TCL1A: variants seen among roughly 807,000 people sequenced by gnomAD.
The protein encoded by TCL1A is T-cell leukemia/lymphoma protein 1A.
In TCL1A, 9 loss-of-function variants were observed where a neutral mutation model predicts 16.9. The ratio of observed to expected loss-of-function variants is 0.53; its 90% CI spans 0.32 to 0.93. The LOEUF is 0.93. Among genes scored for constraint, TCL1A ranks in the 40% least tolerant of loss-of-function variants. The probability of loss-of-function intolerance (pLI) is 0.04; values close to 1 mark genes in which losing one functional copy is unlikely to be tolerated. For missense variants in TCL1A, 139 were observed against 153.0 expected (o/e 0.91, Z 0.48); for synonymous variants, 69 against 63.2 (o/e 1.09, Z -0.44).
At chr14:95,711,017 G>A (rs1566746164) in intron 3 of TCL1A, 136 bp from the exon 4 acceptor site, 1 of 152,232 alleles carries the variant, frequency 6.6e-6, no homozygotes, top group Non-Finnish European at 1.5e-5. Context: ...TCTGAGCCAA[G>A]GCAAATTCTG....
chr14:95,713,299 G>A (rs1399162241), intron 1 of TCL1A, among the ~76,000 whole-genome samples: 1 of 152,094 alleles, frequency 6.6e-6, no homozygotes, highest in African/African-American at 2.4e-5. Context: ...GAGAGAGTTT[G>A]AACATTTTTT....
At chr14:95,711,661 T>C (rs1886356459) in intron 3 of TCL1A, 88 bp downstream of exon 3, 1 of 1,479,770 alleles carries the variant, frequency 6.8e-7, no homozygotes, top group African/African-American at 1.4e-5. Flanking sequence ...CGGGGAGGGG[T>C]TAGCACTGCC....
At chr14:95,713,872 C>A in intron 1 of TCL1A, 75 bp downstream of exon 1, 1 of 1,586,600 alleles carries the variant, frequency 6.3e-7, no homozygotes, top group Non-Finnish European at 8.5e-7. Context: ...CTTGAGTCCT[C>A]GCCCTTCCTA....
intron 2 of TCL1A, 162 bp downstream of exon 2, chr14:95,712,058 T>G: frequency 1.0e-6 from 1 of 989,196 alleles, no homozygotes; most frequent in East Asian, 2.4e-5. Context: ...AGAGGATCTA[T>G]CTTCTCTCTG....
intron 1 of TCL1A, chr14:95,712,792 A>C: frequency 1.4e-6 from 1 of 740,672 alleles, no homozygotes; most frequent in South Asian, 1.5e-5. Flanking sequence ...AAAAAAAAAA[A>C]ACAACAAAGA....
At chr14:95,713,030 GTATT>G (rs1458013824) in intron 1 of TCL1A, among the ~76,000 whole-genome samples, 2 of 152,106 alleles carry the variant, frequency 1.3e-5, no homozygotes, top group African/African-American at 4.8e-5. Flanking sequence ...AAAAAAGTAA[GTATT>G]TAACTTGATT....
At chr14:95,712,177 A>T in intron 2 of TCL1A, 43 bp downstream of exon 2, 4 of 1,612,792 alleles carry the variant, frequency 2.5e-6, no homozygotes, top group Non-Finnish European at 3.4e-6. Flanking sequence ...GAGGAGGGCA[A>T]ACCCAAGATC....
Position 95,711,930 on chromosome 14 carries a change from T to C in TCL1A, c.298-128A>G, listed in dbSNP as rs1409924693. On this transcript the variant is annotated intron_variant, in intron 2 of 3. Coordinates refer to ENST00000402399, the MANE Select transcript of TCL1A (RefSeq NM_021966.3). ...ACCCAGGTGTGAGGATTTCAGGGGC[T>C]CTTGGAGACTGCCCCTCCTCCCACC... 9.2e-6 allele frequency: 11 copies of C among 1,193,058 alleles called. No individual in the cohort carries two copies. The South Asian group carries it at 1.6e-4, about 17-fold the overall frequency. 73.9% of individuals were successfully genotyped at this position (1,193,058 alleles called of 1,614,324 possible).
intron 3 of TCL1A, chr14:95,711,428 C>T (rs1886350533): frequency 4.6e-6 from 1 of 215,566 alleles, no homozygotes; most frequent in Non-Finnish European, 9.1e-6. Context: ...GAGATTGCAC[C>T]ACTACACTCT....
At position 95,713,954 on chromosome 14, in the gene TCL1A, G is replaced by T. The variant is rs201228671; in HGVS notation, c.113C>A (p.Thr38Asn). 6.2e-7 allele frequency: 1 copy of T among 1,613,756 alleles called. No homozygotes were observed. The highest frequency in any genetic ancestry group is 8.5e-7 in the Non-Finnish European group (1 of 1,180,016). The change falls in exon 1 of 4, where the codon ACC becomes AAC. Residue 38 changes from threonine to asparagine, a missense_variant. Physicochemically the swap from Thr to Asn is moderately conservative, Grantham distance 65 (BLOSUM62 0). Around this residue, in one of 2 missense-constraint regions of TCL1A, gnomAD observed 94 missense variants for 80.2 expected, o/e 1.17. Transcript: ENST00000402399. ...CTCCAAAGCTGGCTGTACCTCGATG[G>T]TTAAGGGCAGCCAGGCGTGCTGCTT... ...DEKQHAWLPL[T>N]IEIKDRLQLR... is the part of the protein sequence containing the mutation.
At chr14:95,711,874 G>A (rs1305703525) in intron 2 of TCL1A, 72 bp from the exon 3 acceptor site, 28 of 1,568,428 alleles carry the variant, frequency 1.8e-5, no homozygotes, top group South Asian at 1.1e-4. Context: ...TCACTCCTGC[G>A]CCTTCCCCTA....
chr14:95,713,863 T>A (rs568560767), intron 1 of TCL1A, 84 bp downstream of exon 1: 2 of 1,577,390 alleles, frequency 1.3e-6, no homozygotes, highest in Admixed American at 3.4e-5. Context: ...TGAGTGCTCC[T>A]TGAGTCCTCG....
chr14:95,712,307 G>C lies in TCL1A; in HGVS notation c.210C>G (p.Ser70Arg). 6.2e-7 allele frequency: 1 copy of C among 1,614,182 alleles called. No homozygotes were observed. The highest frequency in any genetic ancestry group is 8.5e-7 in the Non-Finnish European group (1 of 1,180,028). The change falls in exon 2 of 4, where the codon AGC (serine) becomes AGG (arginine). Residue 70 changes from serine (S) to arginine (R), a missense_variant. Ser to Arg is a moderately radical substitution (Grantham distance 110). Transcript: ENST00000402399. ...AGAGCTGCCACATGATAGGCAGCAG[G>C]CTTGGGCCTATCTGGGTGGGGGTCA... is the stretch of plus-strand genomic sequence containing the variant. ...RPMTPTQIGP[S>R]LLPIMWQLYP... is the part of the protein sequence containing the mutation.
chr14:95,712,362 C>CGCAA lies in TCL1A; in HGVS notation c.151_154dup (p.Arg52LeufsTer31). ...CCTCCCCAGGACGACGTCTTCCCGA[C>CGCAA]GCAAGAGCACCCGTAACTGTAACCT... On this transcript the variant is annotated frameshift_variant, in exon 2 of 4. Coordinates refer to ENST00000402399, the MANE Select transcript of TCL1A (RefSeq NM_021966.3). LOFTEE classifies it high-confidence loss of function. 6.2e-7 allele frequency: 1 copy of CGCAA among 1,613,408 alleles called. No homozygotes were observed. The highest frequency in any genetic ancestry group is 8.5e-7 in the Non-Finnish European group (1 of 1,179,494).
Position 95,714,052 on chromosome 14 carries a change from C to G in TCL1A, c.15G>C (p.Pro5=). The change falls in exon 1 of 4, where the codon CCG becomes CCC. Residue 5 remains proline, a synonymous_variant. Transcript: ENST00000402399. MAEC[P]TLGEAVTDHP... ...GGTCGGTGACTGCCTCCCCGAGTGT[C>G]GGGCACTCGGCCATGGCGTCCTCGG... 6.2e-7 allele frequency: 1 copy of G among 1,613,936 alleles called. No individual in the cohort carries two copies. The highest frequency in any genetic ancestry group is 8.5e-7 in the Non-Finnish European group (1 of 1,180,022).
intron 1 of TCL1A, chr14:95,712,803 A>C: frequency 1.4e-6 from 1 of 694,098 alleles, no homozygotes; most frequent in Non-Finnish European, 2.2e-6. Flanking sequence ...ACAACAAAGA[A>C]AGAAAGAGAG....
At chr14:95,713,504 A>G (rs537234016) in intron 1 of TCL1A, among the ~76,000 whole-genome samples, 1 of 152,300 alleles carries the variant, frequency 6.6e-6, no homozygotes, top group South Asian at 2.1e-4. Flanking sequence ...GGTAGTGGAA[A>G]ATACTTCACA....
chr14:95,711,743 G>C lies in TCL1A; in HGVS notation c.*6+6C>G. The C allele has an allele frequency of 6.2e-7, 1 of 1,613,080 alleles. No homozygotes were observed. The highest frequency in any genetic ancestry group is 1.1e-5 in the South Asian group (1 of 90,726). On this transcript the variant is annotated splice_donor_region_variant and intron_variant, in intron 3 of 3. Transcript: ENST00000402399. ...CTAAGAGGGGTCAGGCTCCAGTGGA[G>C]CTCACCATACATCAGTCATCTGGCA...
chr14:95,713,080 C>A (rs1886410707), intron 1 of TCL1A, among the ~76,000 whole-genome samples: 1 of 151,996 alleles, frequency 6.6e-6, no homozygotes, highest in Non-Finnish European at 1.5e-5. Flanking sequence ...ATTGAAATGC[C>A]AATAAAAATG....
Sources: gnomAD v4.1 joint callset for allele counts (sites outside exome capture counted in the v4.1 genomes callset) on GRCh38, gnomAD v4.1.1 for gene constraint, gnomAD v4.1.1 regional missense constraint, MANE v1.5 for transcripts, NCBI Gene and HGNC (gene_info 2026-07-23, HGNC 2026-07-21) for gene names.